INTS8: variants seen among roughly 807,000 people sequenced by gnomAD.
The protein encoded by INTS8 is integrator complex subunit 8, also known as protein kaonashi-1.
Under a neutral mutation model 138.9 loss-of-function variants are expected in INTS8, and 47 were observed. That is an observed-to-expected ratio of 0.34 (90% CI 0.27 to 0.43). INTS8 has a LOEUF of 0.43. INTS8 is among the 20% of genes least tolerant of loss of function. The pLI is 1.00. For synonymous variants in INTS8, 392 were observed against 400.9 expected (o/e 0.98, Z 0.27); for missense variants, 996 against 1,173.0 (o/e 0.85, Z 2.20).
chr8:94,834,048 C>T (rs752374160), intron 6 of INTS8, among the ~76,000 whole-genome samples: 8 of 152,102 alleles, frequency 5.3e-5, no homozygotes, highest in South Asian at 4.1e-4. Flanking sequence ...CTGGGATTAC[C>T]GGTGTGAGCC....
At chr8:94,847,214 G>T (rs141561226) in intron 10 of INTS8, among the ~76,000 whole-genome samples, 5,105 of 151,970 alleles carry the variant, frequency 0.034, 90 homozygotes, top group Non-Finnish European at 0.04. Context: ...TAATTTTTTT[G>T]TAGTTTTATT....
At chr8:94,840,485 A>G (rs573803361) in intron 8 of INTS8, among the ~76,000 whole-genome samples, 11 of 152,202 alleles carry the variant, frequency 7.2e-5, no homozygotes, top group South Asian at 4.1e-4. Flanking sequence ...TAGTTCACAG[A>G]TAATATATTT....
intron 12 of INTS8, among the ~76,000 whole-genome samples, chr8:94,850,467 C>T (rs1250181287): frequency 6.6e-6 from 1 of 152,088 alleles, no homozygotes; most frequent in Non-Finnish European, 1.5e-5. Context: ...AAAAAATTAG[C>T]CAGGCATGGT....
At chr8:94,833,187 T>C (rs949333871) in intron 6 of INTS8, among the ~76,000 whole-genome samples, 7 of 152,170 alleles carry the variant, frequency 4.6e-5, no homozygotes, top group African/African-American at 7.2e-5. Flanking sequence ...TTGGCATGGC[T>C]TCTTTTATCA....
intron 5 of INTS8, 72 bp from the exon 6 acceptor site, chr8:94,831,920 G>A (rs770840763): frequency 5.7e-6 from 7 of 1,229,436 alleles, no homozygotes; most frequent in Non-Finnish European, 7.8e-6. Context: ...TTACTAAATA[G>A]ACTGTAAATA....
intron 26 of INTS8, chr8:94,876,763 T>C (rs1816579580): frequency 3.1e-6 from 1 of 323,060 alleles, no homozygotes; most frequent in South Asian, 6.1e-5. Context: ...GATGGCTTTA[T>C]AAGGCTATAT....
chr8:94,854,373 A>G lies in INTS8; in HGVS notation c.1752+458A>G, dbSNP rs149757253. Among the ~76,000 whole-genome samples, 44 of 152,324 alleles carry G rather than the reference A, an allele frequency of 2.9e-4. No individual in the cohort carries two copies. The East Asian group carries it at 7.5e-3, about 26-fold the overall frequency. On this transcript the variant is annotated intron_variant, in intron 14 of 26. Transcript: ENST00000523731. ...GGTTTGTTCTTTTTGCTTTACCGTT[A>G]TAATTATACTAAAATGGTCTTGATC...
rs925561757 is a variant in INTS8, at chr8:94,832,238, C to A, written c.753+64C>A. 7.8e-6 allele frequency: 9 copies of A among 1,148,738 alleles called. No individual in the cohort carries two copies. The African/African-American group carries it at 9.5e-5, about 12-fold the overall frequency. 71.2% of individuals were successfully genotyped at this position (1,148,738 alleles called of 1,614,324 possible). On this transcript the variant is annotated intron_variant, in intron 6 of 26. Transcript: ENST00000523731. ...TGGAAAATCTTAATATGAGATCATC[C>A]TCCTATTTTTAATTAGAATTTATTT...
Position 94,871,975 on chromosome 8 carries a change from T to C in INTS8, c.2506T>C (p.Leu836=). 6.3e-7 allele frequency: 1 copy of C among 1,580,242 alleles called. No individual in the cohort carries two copies. The highest frequency in any genetic ancestry group is 8.7e-7 in the Non-Finnish European group (1 of 1,151,244). The change falls in exon 21 of 27, where the codon TTA becomes CTA. Residue 836 remains leucine, a synonymous_variant. Transcript: ENST00000523731. ...TATAAATCCAAATAACCATTCTTGG[T>C]TAATTATCCAGGCAGATATTTACTT... is the stretch of plus-strand genomic sequence containing the variant. ...LSINPNNHSW[L]IIQADIYFAT...
At chr8:94,824,643 A>G (rs911220292) in intron 1 of INTS8, among the ~76,000 whole-genome samples, 2 of 147,872 alleles carry the variant, frequency 1.4e-5, no homozygotes, top group Non-Finnish European at 3.0e-5. Context: ...GCTTTCTTCC[A>G]CTCTAATCTG....
At chr8:94,869,665 G>A (rs147585115) in intron 20 of INTS8, among the ~76,000 whole-genome samples, 5,105 of 151,826 alleles carry the variant, frequency 0.034, 88 homozygotes, top group Non-Finnish European at 0.04. Context: ...GCTAATTTTT[G>A]TATTTTTAGT....
At position 94,823,580 on chromosome 8, in the gene INTS8, C is replaced by T. The variant is rs773814685; in HGVS notation, c.130+19C>T. ...TGCCCGGGTGAGCGCGGCGCCTGCA[C>T]CTGGGGAGCGGGACCCGGCCACCGG... On this transcript the variant is annotated intron_variant, in intron 1 of 26. Transcript: ENST00000523731. The T allele has an allele frequency of 1.3e-6, 2 of 1,535,418 alleles. No individual in the cohort carries two copies. The highest frequency in any genetic ancestry group is 2.4e-5 in the East Asian group (1 of 41,080).
chr8:94,868,075 A>G (rs1816248847), intron 20 of INTS8, among the ~76,000 whole-genome samples: 1 of 152,310 alleles, frequency 6.6e-6, no homozygotes, highest in South Asian at 2.1e-4. Context: ...TAGGAACTAA[A>G]CTAAACTTCT....
At chr8:94,844,397 A>G (rs188590560) in intron 10 of INTS8, among the ~76,000 whole-genome samples, 394 of 151,732 alleles carry the variant, frequency 2.6e-3, no homozygotes, top group Non-Finnish European at 4.5e-3. Context: ...GCTCACTGCA[A>G]CCTCCACCTC....
At chr8:94,870,326 C>T (rs1816352939) in intron 20 of INTS8, among the ~76,000 whole-genome samples, 1 of 152,194 alleles carries the variant, frequency 6.6e-6, no homozygotes, top group African/African-American at 2.4e-5. Context: ...ACTGGTATTA[C>T]AGGCGTGAGC....
intron 3 of INTS8, 77 bp downstream of exon 3, chr8:94,827,480 TA>T: frequency 6.7e-7 from 1 of 1,491,406 alleles, no homozygotes. Flanking sequence ...GATATTCTTT[TA>T]ATGGACCCAT....
chr8:94,868,019 C>A (rs1421376948), intron 20 of INTS8, among the ~76,000 whole-genome samples: 1 of 152,106 alleles, frequency 6.6e-6, no homozygotes, highest in Non-Finnish European at 1.5e-5. Context: ...TATGTCTCAT[C>A]TAATGCTGCA....
chr8:94,831,461 T>C (rs1814709294), intron 5 of INTS8, among the ~76,000 whole-genome samples: 1 of 149,222 alleles, frequency 6.7e-6, no homozygotes, highest in Non-Finnish European at 1.5e-5. Flanking sequence ...CAGTCTTTCC[T>C]GTTTTTTGTA....
At chr8:94,855,937 G>T (rs78348444) in intron 14 of INTS8, among the ~76,000 whole-genome samples, 1 of 152,210 alleles carries the variant, frequency 6.6e-6, no homozygotes, top group African/African-American at 2.4e-5. Flanking sequence ...GCTACAGTTG[G>T]AAACAGCCTA....
Sources: gnomAD v4.1 joint callset for allele counts (sites outside exome capture counted in the v4.1 genomes callset) on GRCh38, gnomAD v4.1.1 for gene constraint, MANE v1.5 for transcripts, NCBI Gene and HGNC (gene_info 2026-07-23, HGNC 2026-07-21) for gene names.